TASP1: variants seen among roughly 807,000 people sequenced by gnomAD.
TASP1 encodes taspase 1, also known as threonine aspartase 1.
In TASP1, 16 loss-of-function variants were observed where a neutral mutation model predicts 56.6. The ratio of observed to expected loss-of-function variants is 0.28; its 90% CI spans 0.19 to 0.43. The LOEUF is 0.43. Among genes scored for constraint, TASP1 ranks in the 20% least tolerant of loss-of-function variants. TASP1 has a pLI of 1.00. For synonymous variants in TASP1, 179 were observed against 184.2 expected, an observed-to-expected ratio of 0.97 and a Z score of 0.23; for missense variants, 393 against 511.6, an observed-to-expected ratio of 0.77 and a Z score of 2.24.
At chr20:13,277,283 G>C in the TASP1 span, among the ~76,000 whole-genome samples, 3 of 152,074 alleles carry the variant, frequency 2.0e-5, no homozygotes, top group African/African-American at 7.2e-5. Context: ...CAAAAGTGTT[G>C]GGCACATTCC....
At position 13,465,807 on chromosome 20, in the gene TASP1, A is replaced by G. The variant is rs1666643093; in HGVS notation, c.985+17420T>C. Among the ~76,000 whole-genome samples the G allele has an allele frequency of 5.2e-5, 6 of 114,894 alleles. No homozygotes were observed. In the South Asian group the frequency reaches 1.9e-3, roughly 36 times the overall value. The allele number at this position is 114,894 out of a possible 152,430, so 75.4% of individuals were successfully genotyped here. ...GACAAAATTATAGAGACAGGAGACT[A>G]TTGGTTGCCAGGGATTAAAGTCAGG... On this transcript the variant is annotated intron_variant, in intron 11 of 13. Transcript: ENST00000337743.
chr20:13,484,077 C>G (rs2043236517), intron 10 of TASP1, among the ~76,000 whole-genome samples: 1 of 152,140 alleles, frequency 6.6e-6, no homozygotes, highest in Non-Finnish European at 1.5e-5. Flanking sequence ...CACTGGTCAT[C>G]AGAGAAATGC....
At chr20:13,437,561 A>G (rs2043050535) in intron 11 of TASP1, among the ~76,000 whole-genome samples, 1 of 152,248 alleles carries the variant, frequency 6.6e-6, no homozygotes, top group East Asian at 1.9e-4. Context: ...AAAAGAGGAA[A>G]TCAAATTGTC....
chr20:13,429,887 C>T (rs1303144355), intron 12 of TASP1, among the ~76,000 whole-genome samples: 1 of 151,934 alleles, frequency 6.6e-6, no homozygotes, highest in Non-Finnish European at 1.5e-5. Flanking sequence ...TTTCTTCTTT[C>T]GGGAAGTCTT....
chr20:13,439,247 G>A (rs2043131010), intron 11 of TASP1, among the ~76,000 whole-genome samples: 1 of 152,134 alleles, frequency 6.6e-6, no homozygotes, highest in Non-Finnish European at 1.5e-5. Flanking sequence ...CAAAGACTTG[G>A]AACCAACCCA....
chr20:13,520,088 G>A (rs1428020544), intron 10 of TASP1, among the ~76,000 whole-genome samples: 2 of 152,142 alleles, frequency 1.3e-5, no homozygotes, highest in Non-Finnish European at 2.9e-5. Context: ...CCTCTTCAAG[G>A]AGAACTACAA....
chr20:13,224,561 T>C, the TASP1 span, among the ~76,000 whole-genome samples: 2 of 152,214 alleles, frequency 1.3e-5, no homozygotes, highest in East Asian at 3.8e-4. Context: ...AATCAGAAAA[T>C]TAATCAATCC....
At chr20:13,578,081 GTC>G (rs1335565069) in intron 6 of TASP1, among the ~76,000 whole-genome samples, 1 of 152,056 alleles carries the variant, frequency 6.6e-6, no homozygotes, top group South Asian at 2.1e-4. Flanking sequence ...ATACCAAAAT[GTC>G]TCTCAACTGG....
rs59336552 is a variant in TASP1 at position 13,577,952 on chromosome 20, T to C, written c.488+2945A>G. ...TTAGGTAGCTTACATTTTTATATTC[T>C]ACAAGCAACAATGCTATAGCCTTCA... On this transcript the variant is annotated intron_variant, in intron 6 of 13. Coordinates refer to ENST00000337743, the MANE Select transcript of TASP1 (RefSeq NM_017714.3). Among the ~76,000 whole-genome samples, 557 of 152,332 alleles carry C rather than the reference T, an allele frequency of 3.7e-3. 4 individuals carry two copies. Among genetic ancestry groups the C allele is most frequent in the African/African-American group, 0.013 (522 of 41,572 alleles).
the TASP1 span, among the ~76,000 whole-genome samples, chr20:13,275,956 C>T: frequency 6.6e-6 from 1 of 152,166 alleles, no homozygotes; most frequent in African/African-American, 2.4e-5. Flanking sequence ...CCTAGATTGG[C>T]GTGCTGCAAG....
chr20:13,239,360 G>T, the TASP1 span: 39,554 of 152,034 alleles, frequency 0.26, 5,360 homozygotes, highest in African/African-American at 0.35. Context: ...AGGTCTGGAC[G>T]AACCCAATAA....
At chr20:13,299,152 C>T in the TASP1 span, 2 of 1,611,896 alleles carry the variant, frequency 1.2e-6, no homozygotes, top group Non-Finnish European at 1.7e-6. The surrounding 1 kb of genome is among the most constrained non-coding windows in gnomAD (Gnocchi z 5.8). Context: ...ATCTACAAGC[C>T]CACTGCCCGG....
chr20:13,158,965 A>G, the TASP1 span, among the ~76,000 whole-genome samples: 130 of 152,366 alleles, frequency 8.5e-4, no homozygotes, highest in Non-Finnish European at 1.5e-3. Context: ...TCTTAATGCT[A>G]AGAACAGATC....
At chr20:13,386,911 T>G (rs1461280162), downstream of TASP1, among the ~76,000 whole-genome samples, 2 of 152,174 alleles carry the variant, frequency 1.3e-5, no homozygotes, top group African/African-American at 2.4e-5. Context: ...GTGTGCAGGT[T>G]TGTTACATGG....
the TASP1 span, among the ~76,000 whole-genome samples, chr20:13,382,375 G>A: frequency 8.7e-4 from 132 of 152,274 alleles, 1 homozygote; most frequent in African/African-American, 2.9e-3. Context: ...GGCCAGGTGC[G>A]GTGGCTCACA....
chr20:13,358,569 T>G, the TASP1 span, among the ~76,000 whole-genome samples: 1 of 152,186 alleles, frequency 6.6e-6, no homozygotes. Context: ...TCCCTTCTCT[T>G]AATTTCAATT....
chr20:13,160,102 A>G, the TASP1 span: 1 of 1,613,876 alleles, frequency 6.2e-7, no homozygotes, highest in Non-Finnish European at 8.5e-7. Context: ...TTTGTGTTTC[A>G]GCGGCACATA....
At chr20:13,125,294 T>C in the TASP1 span, among the ~76,000 whole-genome samples, 1 of 152,208 alleles carries the variant, frequency 6.6e-6, no homozygotes, top group Non-Finnish European at 1.5e-5. Context: ...AAAACCAGCA[T>C]TCTGGAGTGG....
intron 13 of TASP1, among the ~76,000 whole-genome samples, chr20:13,411,747 CTT>C (rs763041493): frequency 2.0e-5 from 3 of 152,160 alleles, no homozygotes; most frequent in Non-Finnish European, 4.4e-5. Flanking sequence ...GGAGACTTCT[CTT>C]TGTTTATAGG....
Sources: gnomAD v4.1 joint callset for allele counts (sites outside exome capture counted in the v4.1 genomes callset) on GRCh38, gnomAD v4.1.1 for gene constraint, Gnocchi (gnomAD v3.1) non-coding constraint, MANE v1.5 for transcripts, NCBI Gene and HGNC (gene_info 2026-07-23, HGNC 2026-07-21) for gene names.